SEC24D: variants seen among roughly 807,000 people sequenced by gnomAD.
The protein encoded by SEC24D is SEC24 homolog D, COPII component, also known as protein transport protein Sec24D.
A neutral mutation model predicts 116.9 loss-of-function variants in SEC24D; 69 were observed. The observed-to-expected ratio is 0.59, with a 90% confidence interval of 0.49 to 0.72. The LOEUF (loss-of-function observed/expected upper bound fraction) is 0.72. SEC24D is among the 30% of genes least tolerant of loss of function. The pLI, the probability that SEC24D is intolerant of heterozygous loss-of-function variation, is 0.00. For missense variants in SEC24D, 1,131 were observed against 1,264.1 expected (o/e 0.89, Z 1.60); for synonymous variants, 405 against 442.8 (o/e 0.91, Z 1.07).
chr4:118,728,417 T>A, intron 22 of SEC24D, 144 bp downstream of exon 22: 2 of 593,040 alleles, frequency 3.4e-6, no homozygotes, highest in East Asian at 5.7e-5. Flanking sequence ...TAATGTGAGG[T>A]TTTTTTAACT....
At chr4:118,742,606 T>C (rs1442650522) in intron 15 of SEC24D, among the ~76,000 whole-genome samples, 1 of 152,252 alleles carries the variant, frequency 6.6e-6, no homozygotes, top group African/African-American at 2.4e-5. Flanking sequence ...TTATTTCATT[T>C]ACAATCTTTG....
At chr4:118,743,639 C>T (rs1726347532) in intron 15 of SEC24D, among the ~76,000 whole-genome samples, 1 of 152,190 alleles carries the variant, frequency 6.6e-6, no homozygotes, top group South Asian at 2.1e-4. Flanking sequence ...ACTGGGATTA[C>T]AGGCATTGGG....
At chr4:118,829,794 A>G (rs1730763765) in intron 2 of SEC24D, among the ~76,000 whole-genome samples, 1 of 152,150 alleles carries the variant, frequency 6.6e-6, no homozygotes, top group African/African-American at 2.4e-5. Context: ...CCTGGGTAAT[A>G]AGAGCGAAAC....
chr4:118,827,123 G>A (rs1311855351), intron 2 of SEC24D, among the ~76,000 whole-genome samples: 1 of 152,170 alleles, frequency 6.6e-6, no homozygotes, highest in African/African-American at 2.4e-5. Flanking sequence ...GCAAAGACAT[G>A]AGAGAGGATG....
chr4:118,794,496 C>T (rs1729089054), intron 8 of SEC24D, among the ~76,000 whole-genome samples: 1 of 152,242 alleles, frequency 6.6e-6, no homozygotes, highest in Non-Finnish European at 1.5e-5. Context: ...TCCTATGTAT[C>T]CACAATACTG....
chr4:118,743,482 T>G (rs1578389968), intron 15 of SEC24D, among the ~76,000 whole-genome samples: 1 of 152,150 alleles, frequency 6.6e-6, no homozygotes, highest in South Asian at 2.1e-4. Context: ...TATTTGCATA[T>G]AACCTACACA....
At chr4:118,791,378 C>G (rs1329157593) in intron 8 of SEC24D, among the ~76,000 whole-genome samples, 1 of 152,138 alleles carries the variant, frequency 6.6e-6, no homozygotes, top group Non-Finnish European at 1.5e-5. Flanking sequence ...GTTTTGCATC[C>G]TAGCTTTGCT....
chr4:118,770,489 C>A (rs557815440), intron 8 of SEC24D, among the ~76,000 whole-genome samples: 14 of 152,202 alleles, frequency 9.2e-5, no homozygotes, highest in Non-Finnish European at 1.9e-4. Flanking sequence ...ACAACTCCAA[C>A]CTCTGAGATC....
chr4:118,795,522 A>G (rs1356702937), intron 8 of SEC24D, among the ~76,000 whole-genome samples: 1 of 152,104 alleles, frequency 6.6e-6, no homozygotes, highest in African/African-American at 2.4e-5. Flanking sequence ...AACCTCTTAT[A>G]GTAGGCCAAG....
intron 15 of SEC24D, 45 bp from the exon 16 acceptor site, chr4:118,741,082 A>C (rs1726204277): frequency 1.1e-6 from 1 of 926,680 alleles, no homozygotes; most frequent in Admixed American, 2.7e-5. Context: ...TGGCAGTAAA[A>C]TACTTAAAAT....
intron 2 of SEC24D, 93 bp from the exon 3 acceptor site, chr4:118,824,842 A>G (rs1730533679): frequency 8.4e-7 from 1 of 1,189,454 alleles, no homozygotes; most frequent in African/African-American, 1.6e-5. Context: ...TAGGTGGAGG[A>G]GGAGGGAAAC....
chr4:118,763,903 A>G (rs1008806508), intron 10 of SEC24D, among the ~76,000 whole-genome samples: 3 of 152,208 alleles, frequency 2.0e-5, no homozygotes, highest in African/African-American at 4.8e-5. Context: ...TCCGTGAAAA[A>G]ACAGAAGCTA....
At chr4:118,819,522 C>A (rs1730300928) in intron 3 of SEC24D, among the ~76,000 whole-genome samples, 1 of 138,880 alleles carries the variant, frequency 7.2e-6, no homozygotes, top group Non-Finnish European at 1.5e-5. Context: ...CACAGGGAGA[C>A]CCCGTCTCAA....
chr4:118,731,060 C>A, intron 21 of SEC24D: 1 of 445,070 alleles, frequency 2.2e-6, no homozygotes. Flanking sequence ...AGTACAGAGA[C>A]TGGCACATAG....
In SEC24D at chr4:118,740,987, T is replaced by C. The variant is rs1211415442; in HGVS notation, c.2046A>G (p.Glu682=). The change falls in exon 16 of 23, where the codon GAA becomes GAG. Residue 682 remains glutamate (E), a synonymous_variant. Transcript: ENST00000280551. ...QFLNDLRNDI[E]KKIGFDAIMR... Reference sequence around the variant, plus strand: ...TAATAGCATCAAAGCCTATTTTCTTTTCAATATCATTTCTGAGGTCGTTCA... The same window carrying C: ...TAATAGCATCAAAGCCTATTTTCTTCTCAATATCATTTCTGAGGTCGTTCA... The C allele has an allele frequency of 6.3e-7, 1 of 1,595,136 alleles. No individual in the cohort carries two copies. The highest frequency in any genetic ancestry group is 8.6e-7 in the Non-Finnish European group (1 of 1,168,920).
chr4:118,799,898 TG>T (rs1446477996), intron 7 of SEC24D, among the ~76,000 whole-genome samples: 1 of 152,080 alleles, frequency 6.6e-6, no homozygotes. Flanking sequence ...GTAAGGGAAG[TG>T]GATCAAGAAA....
intron 6 of SEC24D, among the ~76,000 whole-genome samples, chr4:118,814,022 A>C (rs1448026577): frequency 6.6e-6 from 1 of 152,242 alleles, no homozygotes; most frequent in Non-Finnish European, 1.5e-5. Context: ...GTTACACAGC[A>C]TAAGTTAGCT....
chr4:118,809,130 C>T (rs1410192174), intron 6 of SEC24D, among the ~76,000 whole-genome samples: 4 of 152,098 alleles, frequency 2.6e-5, no homozygotes, highest in African/African-American at 7.2e-5. Context: ...TGCACTACCA[C>T]GCCCGGCTAT....
At chr4:118,831,538 C>A (rs987150363) in intron 2 of SEC24D, among the ~76,000 whole-genome samples, 21 of 151,898 alleles carry the variant, frequency 1.4e-4, no homozygotes, top group Middle Eastern at 3.2e-3. Flanking sequence ...ACGGCCCACA[C>A]GCAGCCCAGG....
Sources: gnomAD v4.1 joint callset for allele counts (sites outside exome capture counted in the v4.1 genomes callset) on GRCh38, gnomAD v4.1.1 for gene constraint, MANE v1.5 for transcripts, NCBI Gene and HGNC (gene_info 2026-07-23, HGNC 2026-07-21) for gene names.